RPS6KA3: variants seen among roughly 807,000 people sequenced by gnomAD.
RPS6KA3 encodes ribosomal protein S6 kinase A3, also known as ribosomal protein S6 kinase alpha-3.
Under a neutral mutation model 67.2 loss-of-function variants are expected in RPS6KA3, and 4 were observed. The ratio of observed to expected loss-of-function variants is 0.06; its 90% CI spans 0.03 to 0.14. The LOEUF (loss-of-function observed/expected upper bound fraction) is 0.14. RPS6KA3 is among the 10% of genes least tolerant of loss of function. RPS6KA3 has a pLI of 1.00. For missense variants in RPS6KA3, 204 were observed against 559.0 expected, an observed-to-expected ratio of 0.36 and a Z score of 6.40; for synonymous variants, 182 against 183.7, an observed-to-expected ratio of 0.99 and a Z score of 0.07.
intron 2 of RPS6KA3, among the ~76,000 whole-genome samples, chrX:20,222,845 A>G (rs1013797070): frequency 4.5e-5 from 5 of 111,810 alleles, no homozygotes; most frequent in African/African-American, 1.6e-4. Flanking sequence ...ATCACAGAAC[A>G]AACTCCAAAC....
intron 10 of RPS6KA3, among the ~76,000 whole-genome samples, chrX:20,185,384 CTTTTT>C (rs1377075884): frequency 6.4e-5 from 7 of 109,847 alleles, no homozygotes; most frequent in Non-Finnish European, 1.1e-4. Context: ...CTTTTCTTTT[CTTTTT>C]TGAGACAGGG....
chrX:20,162,885 A>G (rs947507627), intron 19 of RPS6KA3, 79 bp downstream of exon 19: 1 of 728,950 alleles, frequency 1.4e-6, no homozygotes, highest in African/African-American at 2.1e-5. Context: ...AACCCCAAAC[A>G]AAACAAAAAC....
At chrX:20,250,091 T>C (rs1298758611) in intron 1 of RPS6KA3, among the ~76,000 whole-genome samples, 1 of 112,385 alleles carries the variant, frequency 8.9e-6, no homozygotes, top group African/African-American at 3.2e-5. Context: ...TTTCTTGTTC[T>C]CCATCTTATT....
intron 14 of RPS6KA3, 57 bp downstream of exon 14, chrX:20,175,107 A>G: frequency 9.4e-7 from 1 of 1,064,196 alleles, no homozygotes; most frequent in South Asian, 1.9e-5. Flanking sequence ...ATCTATTCAC[A>G]GAATGAACTA....
rs749432037 is a variant in RPS6KA3 at position 20,200,469 on chromosome X, T to G, written c.325+3553A>C. ...ATAAACATAAAAATTTAAGAACACATTCACAATTATTCAGCAGTTTAAAAT... is the reference window on the plus strand; with the variant it reads ...ATAAACATAAAAATTTAAGAACACAGTCACAATTATTCAGCAGTTTAAAAT... On this transcript the variant is annotated intron_variant, in intron 4 of 21. Coordinates refer to ENST00000379565, the MANE Select transcript of RPS6KA3 (RefSeq NM_004586.3). Among the ~76,000 whole-genome samples the G allele has an allele frequency of 1.8e-4, 20 of 111,755 alleles. No individual in the cohort carries two copies. In the South Asian group the frequency reaches 6.6e-3, roughly 37 times the overall value.
At chrX:20,180,549 A>C (rs959066201) in intron 10 of RPS6KA3, among the ~76,000 whole-genome samples, 1 of 111,994 alleles carries the variant, frequency 8.9e-6, no homozygotes, top group Non-Finnish European at 1.9e-5. Context: ...TGCAAAGATG[A>C]GTAACTGCTC....
intron 1 of RPS6KA3, among the ~76,000 whole-genome samples, chrX:20,238,447 C>T (rs1338602348): frequency 9.0e-6 from 1 of 111,136 alleles, no homozygotes; most frequent in African/African-American, 3.3e-5. Context: ...ATTTTTGATT[C>T]ATCTTTTTCC....
intron 7 of RPS6KA3, among the ~76,000 whole-genome samples, chrX:20,193,280 A>T (rs971945244): frequency 5.6e-5 from 6 of 106,834 alleles, no homozygotes; most frequent in African/African-American, 1.0e-4. Context: ...CTCCATCTTT[A>T]AAAAAAAAAA....
intron 1 of RPS6KA3, among the ~76,000 whole-genome samples, chrX:20,250,942 T>C (rs1603431780): frequency 1.8e-5 from 2 of 112,156 alleles, no homozygotes; most frequent in East Asian, 5.6e-4. Flanking sequence ...TCTTTATTCC[T>C]GACAGTCCAA....
chrX:20,224,271 G>A (rs1245908790), intron 2 of RPS6KA3, among the ~76,000 whole-genome samples: 1 of 110,773 alleles, frequency 9.0e-6, no homozygotes, highest in East Asian at 2.8e-4. Flanking sequence ...ACTGACTTAG[G>A]TAAAAAAACA....
At chrX:20,222,290 G>C (rs1189162070) in intron 2 of RPS6KA3, among the ~76,000 whole-genome samples, 1 of 111,370 alleles carries the variant, frequency 9.0e-6, no homozygotes, top group Non-Finnish European at 1.9e-5. Flanking sequence ...GAAATGAAGA[G>C]GTTTAGGGCC....
chrX:20,222,953 T>C (rs764586349), intron 2 of RPS6KA3, among the ~76,000 whole-genome samples: 2 of 111,714 alleles, frequency 1.8e-5, no homozygotes, highest in Non-Finnish European at 3.8e-5. Flanking sequence ...ATAATGTGAA[T>C]ATTTGGTTTT....
chrX:20,225,590 T>C (rs755384863), intron 2 of RPS6KA3, among the ~76,000 whole-genome samples: 11 of 111,085 alleles, frequency 9.9e-5, no homozygotes, highest in Non-Finnish European at 2.1e-4. Flanking sequence ...TGGTACAAAT[T>C]TTCCCTGCCA....
chrX:20,250,389 C>T (rs1467292324), intron 1 of RPS6KA3, among the ~76,000 whole-genome samples: 1 of 111,235 alleles, frequency 9.0e-6, no homozygotes, highest in Non-Finnish European at 1.9e-5. Flanking sequence ...GACATAGGGC[C>T]TTGCTATATT....
rs780883096 is a variant in RPS6KA3 at position 20,188,486 on chromosome X, T to C, written c.631+11A>G. ...GAAAATATTTTAATAAAACGAGGAT[T>C]TTTTTTTTACCTGTTAACTTGATGT... On this transcript the variant is annotated intron_variant, in intron 8 of 21. Transcript: ENST00000379565. The C allele has an allele frequency of 1.7e-5, 16 of 968,215 alleles. No homozygotes were observed. Among genetic ancestry groups the C allele is most frequent in the Non-Finnish European group, 1.0e-5 (7 of 684,818 alleles). The allele number at this position is 968,215 out of a possible 1,213,427, so 79.8% of individuals were successfully genotyped here.
intron 1 of RPS6KA3, among the ~76,000 whole-genome samples, chrX:20,235,117 C>T (rs1216766458): frequency 9.0e-6 from 1 of 111,389 alleles, no homozygotes; most frequent in Admixed American, 9.6e-5. Context: ...TCATTTAAGC[C>T]TCACCAAACA....
chrX:20,171,310 A>G (rs1178929320), intron 15 of RPS6KA3, among the ~76,000 whole-genome samples: 4 of 111,836 alleles, frequency 3.6e-5, no homozygotes, highest in African/African-American at 3.3e-5. Context: ...CTGTACTTGT[A>G]TAACAGTTCT....
At chrX:20,249,146 T>G (rs1421758636) in intron 1 of RPS6KA3, among the ~76,000 whole-genome samples, 3 of 112,331 alleles carry the variant, frequency 2.7e-5, no homozygotes, top group African/African-American at 9.7e-5. Flanking sequence ...TATCGACAAT[T>G]CATTCCTTTT....
At chrX:20,178,204 C>A (rs920153567) in intron 10 of RPS6KA3, among the ~76,000 whole-genome samples, 6 of 110,898 alleles carry the variant, frequency 5.4e-5, no homozygotes, top group Non-Finnish European at 9.4e-5. Context: ...AGAACATATG[C>A]AAAGAGTGAC....
Sources: gnomAD v4.1 joint callset for allele counts (sites outside exome capture counted in the v4.1 genomes callset) on GRCh38, gnomAD v4.1.1 for gene constraint, MANE v1.5 for transcripts, NCBI Gene and HGNC (gene_info 2026-07-23, HGNC 2026-07-21) for gene names.